The following DIAPH2 variants were observed in gnomAD, a reference collection of about 807,000 sequenced individuals.
DIAPH2 encodes the protein protein diaphanous homolog 2.
Under a neutral mutation model 92.7 loss-of-function variants are expected in DIAPH2, and 35 were observed. The observed-to-expected ratio is 0.38, with a 90% CI of 0.29 to 0.50. DIAPH2 has a LOEUF of 0.50. Among genes scored for constraint, DIAPH2 ranks in the 20% least tolerant of loss-of-function variants. The pLI is 0.94. For missense variants in DIAPH2, 701 were observed against 819.5 expected, an observed-to-expected ratio of 0.86 and a Z score of 1.77; for synonymous variants, 301 against 280.4, an observed-to-expected ratio of 1.07 and a Z score of -0.73.
intron 26 of DIAPH2, among the ~76,000 whole-genome samples, chrX:97,521,159 G>T (rs1490621207): frequency 3.6e-5 from 4 of 111,426 alleles, no homozygotes; most frequent in Non-Finnish European, 7.5e-5. Flanking sequence ...GTGAGAAGGT[G>T]CAGTCTATGA....
intron 1 of DIAPH2, among the ~76,000 whole-genome samples, chrX:96,734,268 A>T (rs2064073769): frequency 8.9e-6 from 1 of 112,131 alleles, no homozygotes; most frequent in Admixed American, 9.5e-5. Flanking sequence ...GGAGTTTATA[A>T]CCCCAAAAGA....
intron 23 of DIAPH2, among the ~76,000 whole-genome samples, chrX:97,274,644 G>GT (rs1005786306): frequency 5.4e-5 from 5 of 92,975 alleles, no homozygotes; most frequent in Non-Finnish European, 8.7e-5. Flanking sequence ...TTTTTTTTTT[G>GT]TTTTTTTGTT....
At chrX:97,309,479 A>C (rs1321747909) in intron 23 of DIAPH2, among the ~76,000 whole-genome samples, 1 of 111,949 alleles carries the variant, frequency 8.9e-6, no homozygotes, top group Non-Finnish European at 1.9e-5. Flanking sequence ...GCCCATATGT[A>C]ATATTTCCTG....
intron 4 of DIAPH2, among the ~76,000 whole-genome samples, chrX:96,799,672 G>A (rs1234756736): frequency 4.5e-5 from 5 of 110,229 alleles, no homozygotes; most frequent in East Asian, 2.8e-4. Context: ...GCCGGGCATC[G>A]TGGCGCGTGC....
chrX:97,340,155 A>G (rs1312855753), intron 23 of DIAPH2, among the ~76,000 whole-genome samples: 1 of 111,801 alleles, frequency 8.9e-6, no homozygotes, highest in Non-Finnish European at 1.9e-5. Flanking sequence ...AAATCTGGGT[A>G]TTCAGGAGCA....
intron 4 of DIAPH2, among the ~76,000 whole-genome samples, chrX:96,815,576 G>A (rs1185483712): frequency 8.9e-6 from 1 of 112,417 alleles, no homozygotes; most frequent in East Asian, 2.8e-4. Context: ...AGGTACCTCA[G>A]TTAGAAATGC....
intron 17 of DIAPH2, among the ~76,000 whole-genome samples, chrX:97,052,589 A>G (rs2066527913): frequency 9.0e-6 from 1 of 110,749 alleles, no homozygotes; most frequent in East Asian, 2.8e-4. Flanking sequence ...AGTCAAATGG[A>G]AGAGTATAAG....
intron 17 of DIAPH2, among the ~76,000 whole-genome samples, chrX:96,970,935 T>G (rs2147831178): frequency 8.9e-6 from 1 of 112,030 alleles, no homozygotes; most frequent in African/African-American, 3.2e-5. Flanking sequence ...GTATGTTGTG[T>G]CTCTTTTCAT....
At chrX:97,182,398 A>G (rs1299863958) in intron 22 of DIAPH2, among the ~76,000 whole-genome samples, 3 of 111,528 alleles carry the variant, frequency 2.7e-5, no homozygotes, top group Non-Finnish European at 5.6e-5. Flanking sequence ...AGGATTTTCA[A>G]TTTTATTTAG....
At position 96,910,387 on chromosome X, in the gene DIAPH2, G is replaced by A. The variant is rs753887270; in HGVS notation, c.588-1941G>A. Among the ~76,000 whole-genome samples, 4 of 110,933 alleles carry A rather than the reference G, an allele frequency of 3.6e-5. No homozygotes were observed. The South Asian group carries it at 1.5e-3, about 42-fold the overall frequency. On this transcript the variant is annotated intron_variant, in intron 5 of 26. Coordinates refer to ENST00000324765, the MANE Select transcript of DIAPH2 (RefSeq NM_006729.5). The stretch of plus-strand genomic sequence containing the variant: ...TAAAATGAGCTTCTATGTATATTGT[G>A]GATGGCGATTGGTTCTGAATATGAG...
intron 4 of DIAPH2, among the ~76,000 whole-genome samples, chrX:96,828,834 G>A (rs962191092): frequency 8.1e-5 from 9 of 111,614 alleles, no homozygotes; most frequent in African/African-American, 2.9e-4. Context: ...GCACATTGTT[G>A]CCAGGGAAAA....
chrX:97,044,611 G>T (rs183002800), intron 17 of DIAPH2, among the ~76,000 whole-genome samples: 5 of 110,928 alleles, frequency 4.5e-5, no homozygotes, highest in South Asian at 3.8e-4. Flanking sequence ...TTGTGCCCTG[G>T]TTCCCATTCC....
intron 17 of DIAPH2, among the ~76,000 whole-genome samples, chrX:96,980,363 C>T (rs1430785849): frequency 9.0e-6 from 1 of 111,071 alleles, no homozygotes; most frequent in African/African-American, 3.3e-5. Flanking sequence ...AAAGTCCTGC[C>T]AATCAAGCCG....
chrX:97,401,667 G>A (rs1320125383), intron 25 of DIAPH2, among the ~76,000 whole-genome samples: 1 of 111,756 alleles, frequency 8.9e-6, no homozygotes, highest in Non-Finnish European at 1.9e-5. Context: ...TAAACCCACT[G>A]AATAAGAAAC....
chrX:97,255,351 C>G (rs1475079059), intron 23 of DIAPH2, among the ~76,000 whole-genome samples: 1 of 111,936 alleles, frequency 8.9e-6, no homozygotes, highest in Non-Finnish European at 1.9e-5. Flanking sequence ...CTAATCATAG[C>G]AATCAAAATT....
intron 18 of DIAPH2, among the ~76,000 whole-genome samples, chrX:97,073,480 C>G (rs1286010490): frequency 8.9e-6 from 1 of 112,237 alleles, no homozygotes; most frequent in Non-Finnish European, 1.9e-5. Flanking sequence ...TTAACCTTAA[C>G]TGCATTTAAA....
At chrX:97,560,046 G>A (rs1016440046) in intron 26 of DIAPH2, among the ~76,000 whole-genome samples, 1 of 111,503 alleles carries the variant, frequency 9.0e-6, no homozygotes, top group African/African-American at 3.3e-5. Flanking sequence ...CAAATTTCAC[G>A]GTCTCTGTGT....
At chrX:96,938,124 G>C (rs147560790) in intron 11 of DIAPH2, among the ~76,000 whole-genome samples, 3,542 of 110,512 alleles carry the variant, frequency 0.032, 160 homozygotes, top group African/African-American at 0.11. Flanking sequence ...TCCCCTCCTT[G>C]AAATACCCAA....
intron 9 of DIAPH2, among the ~76,000 whole-genome samples, chrX:96,927,073 T>A (rs895747365): frequency 5.7e-4 from 63 of 111,428 alleles, no homozygotes; most frequent in African/African-American, 2.0e-3. Context: ...TTGTGCGATA[T>A]AATGTGGTAG....
Sources: allele counts gnomAD v4.1 joint callset (sites outside exome capture counted in the v4.1 genomes callset), GRCh38; gene constraint gnomAD v4.1.1; transcripts MANE v1.5; gene names NCBI Gene and HGNC (gene_info 2026-07-23, HGNC 2026-07-21).